LRRTM4: variants seen among roughly 807,000 people sequenced by gnomAD.
The protein encoded by LRRTM4 is leucine rich repeat transmembrane neuronal 4.
A neutral mutation model predicts 47.6 loss-of-function variants in LRRTM4; 25 were observed. That is an observed-to-expected ratio of 0.53 (90% CI 0.38 to 0.73). The LOEUF (loss-of-function observed/expected upper bound fraction) is 0.73. LRRTM4 is among the 30% of genes least tolerant of loss of function. The pLI is 0.00. For synonymous variants in LRRTM4, 311 were observed against 269.5 expected (o/e 1.15, Z -1.51); for missense variants, 638 against 713.4 (o/e 0.89, Z 1.20).
intron 3 of LRRTM4, among the ~76,000 whole-genome samples, chr2:77,094,251 A>G (rs1670745631): frequency 6.6e-6 from 1 of 152,206 alleles, no homozygotes; most frequent in Non-Finnish European, 1.5e-5. Flanking sequence ...TGTACAATCA[A>G]CTATAAAACA....
chr2:77,343,506 G>T (rs1439787509), intron 3 of LRRTM4, among the ~76,000 whole-genome samples: 1 of 151,668 alleles, frequency 6.6e-6, no homozygotes, highest in Non-Finnish European at 1.5e-5. Context: ...TTAAAATTTG[G>T]TTTTTAATTT....
At chr2:76,927,060 T>G (rs1317770108) in intron 3 of LRRTM4, among the ~76,000 whole-genome samples, 2 of 152,156 alleles carry the variant, frequency 1.3e-5, no homozygotes, top group African/African-American at 4.8e-5. Flanking sequence ...CTATTGTGAT[T>G]TTGCTTATGA....
chr2:77,139,669 A>G (rs564699020), intron 3 of LRRTM4, among the ~76,000 whole-genome samples: 1 of 152,314 alleles, frequency 6.6e-6, no homozygotes, highest in East Asian at 1.9e-4. Flanking sequence ...AATTAGGAAA[A>G]GAGGAAGTCA....
chr2:77,310,744 A>G (rs1040153843), intron 3 of LRRTM4, among the ~76,000 whole-genome samples: 1 of 152,196 alleles, frequency 6.6e-6, no homozygotes. Flanking sequence ...TCAGACAACT[A>G]CAAGCAATGT....
At chr2:76,932,301 T>A (rs1051421646) in intron 3 of LRRTM4, among the ~76,000 whole-genome samples, 2 of 152,090 alleles carry the variant, frequency 1.3e-5, no homozygotes, top group African/African-American at 4.8e-5. Flanking sequence ...ATTATTTGAG[T>A]GATCAAAGCA....
intron 3 of LRRTM4, among the ~76,000 whole-genome samples, chr2:77,368,383 T>G (rs1437618038): frequency 6.6e-6 from 1 of 151,792 alleles, no homozygotes; most frequent in African/African-American, 2.4e-5. Context: ...TTTAGTTCTT[T>G]CTTTTCCCTT....
Position 77,018,259 on chromosome 2 carries a change from C to CTTTTTTTTTTTTTTTTTTTTTTTT in LRRTM4, c.1552-269344_1552-269343insAAAAAAAAAAAAAAAAAAAAAAAA. Among the ~76,000 whole-genome samples the CTTTTTTTTTTTTTTTTTTTTTTTT allele has an allele frequency of 1.7e-3, 126 of 75,020 alleles. 4 individuals are homozygous for CTTTTTTTTTTTTTTTTTTTTTTTT. Among genetic ancestry groups the CTTTTTTTTTTTTTTTTTTTTTTTT allele is most frequent in the African/African-American group, 2.0e-3 (39 of 19,298 alleles). The allele number at this position is 75,020 out of a possible 152,430, so 49.2% of individuals were successfully genotyped here. Reference sequence around the variant, plus strand: ...CCATGTAATGCTAAGCTCTTGATTGCTTTTTTTTTTTTTTTTTTGTCTTTG... The same window carrying CTTTTTTTTTTTTTTTTTTTTTTTT: ...CCATGTAATGCTAAGCTCTTGATTGCTTTTTTTTTTTTTTTTTTTTTTTTTTTTTTTTTTTTTTTTTTGTCTTTG... On this transcript the variant is annotated intron_variant, in intron 3 of 3. Coordinates refer to ENST00000409884, the MANE Select transcript of LRRTM4 (RefSeq NM_001134745.3).
At chr2:77,060,593 T>G (rs1422764010) in intron 3 of LRRTM4, among the ~76,000 whole-genome samples, 1 of 152,138 alleles carries the variant, frequency 6.6e-6, no homozygotes, top group African/African-American at 2.4e-5. Context: ...ACAATTATTT[T>G]TAATTCATGA....
chr2:77,354,404 G>A (rs779433625), intron 3 of LRRTM4, among the ~76,000 whole-genome samples: 13 of 134,124 alleles, frequency 9.7e-5, no homozygotes, highest in Non-Finnish European at 1.6e-4. Flanking sequence ...TATCTTAGAC[G>A]TACTTCCTAG....
intron 3 of LRRTM4, among the ~76,000 whole-genome samples, chr2:77,232,165 A>G (rs1374324040): frequency 1.3e-5 from 2 of 152,170 alleles, no homozygotes; most frequent in Non-Finnish European, 2.9e-5. Context: ...TGAAACCCAG[A>G]CCTGTCAAAT....
chr2:77,104,986 C>T (rs1020105128), intron 3 of LRRTM4, among the ~76,000 whole-genome samples: 1 of 151,784 alleles, frequency 6.6e-6, no homozygotes, highest in Non-Finnish European at 1.5e-5. Context: ...CAAGAAAAGC[C>T]ACTCTGACCT....
At chr2:77,299,260 C>CAA (rs1371153944) in intron 3 of LRRTM4, among the ~76,000 whole-genome samples, 3 of 58,652 alleles carry the variant, frequency 5.1e-5, no homozygotes, top group African/African-American at 1.2e-4. Flanking sequence ...TATATATATA[C>CAA]ACACACACAC....
intron 3 of LRRTM4, among the ~76,000 whole-genome samples, chr2:77,126,955 G>C (rs867300225): frequency 1.3e-5 from 2 of 152,088 alleles, no homozygotes; most frequent in African/African-American, 4.8e-5. Context: ...TTTGTGAAAG[G>C]TCCTGGAATT....
At chr2:76,877,742 C>A (rs116173934) in intron 3 of LRRTM4, among the ~76,000 whole-genome samples, 1,623 of 152,094 alleles carry the variant, frequency 0.011, 27 homozygotes, top group African/African-American at 0.036. Flanking sequence ...AAGGAAACAA[C>A]TGAGGATCGA....
chr2:77,195,432 C>T (rs1211164921), intron 3 of LRRTM4, among the ~76,000 whole-genome samples: 3 of 151,954 alleles, frequency 2.0e-5, no homozygotes, highest in African/African-American at 4.8e-5. Flanking sequence ...GACCATTACA[C>T]GTATATTTAA....
chr2:77,245,934 T>A (rs970996066), intron 3 of LRRTM4, among the ~76,000 whole-genome samples: 2 of 152,148 alleles, frequency 1.3e-5, no homozygotes, highest in African/African-American at 4.8e-5. Flanking sequence ...ATTTTGCCAA[T>A]TGCCAAGAAT....
Position 77,122,296 on chromosome 2 carries a change from G to A in LRRTM4, c.1552-373380C>T, listed in dbSNP as rs981332295. ...CAAGTACATTAAGAATATTTGTATAGCATAAAATTAAAAATAATGAGTTCT... is the reference window on the plus strand; with the variant it reads ...CAAGTACATTAAGAATATTTGTATAACATAAAATTAAAAATAATGAGTTCT... On this transcript the variant is annotated intron_variant, in intron 3 of 3. Transcript: ENST00000409884. Among the ~76,000 whole-genome samples the A allele has an allele frequency of 2.6e-5, 4 of 151,328 alleles. No homozygotes were observed. In the South Asian group the frequency reaches 6.2e-4, roughly 24 times the overall value.
At chr2:77,197,596 A>G (rs1673864858) in intron 3 of LRRTM4, among the ~76,000 whole-genome samples, 1 of 152,200 alleles carries the variant, frequency 6.6e-6, no homozygotes, top group East Asian at 1.9e-4. Context: ...TACACCTAAA[A>G]TACTATTCTG....
Position 77,518,705 on chromosome 2 carries a change from G to T in LRRTM4, c.1164C>A (p.Thr388=). The change falls in exon 3 of 4, where the codon ACC becomes ACA. Residue 388 remains threonine, a synonymous_variant. Transcript: ENST00000409884. The part of the protein sequence containing the change: ...PQKPLIIPRP[T]IFKPDVTQST... ...ATTGGGTGACGTCAGGTTTGAAGATGGTAGGTCTAGGGATAATCAGAGGTT... is the reference window on the plus strand; with the variant it reads ...ATTGGGTGACGTCAGGTTTGAAGATTGTAGGTCTAGGGATAATCAGAGGTT... The T allele has an allele frequency of 6.2e-7, 1 of 1,613,386 alleles. No individual in the cohort carries two copies. The highest frequency in any genetic ancestry group is 8.5e-7 in the Non-Finnish European group (1 of 1,179,632).
Sources: gnomAD v4.1 joint callset for allele counts (sites outside exome capture counted in the v4.1 genomes callset) on GRCh38, gnomAD v4.1.1 for gene constraint, MANE v1.5 for transcripts, NCBI Gene and HGNC (gene_info 2026-07-23, HGNC 2026-07-21) for gene names.